STAMBP: variants seen among roughly 807,000 people sequenced by gnomAD.
The protein encoded by STAMBP is STAM-binding protein.
STAMBP carries 31 observed loss-of-function variants against 50.7 expected under a neutral mutation model. The observed-to-expected ratio is 0.61, with a 90% CI of 0.46 to 0.83. The LOEUF is 0.83. STAMBP is among the 40% of genes least tolerant of loss of function. The pLI, the probability that STAMBP is intolerant of heterozygous loss-of-function variation, is 0.00. For synonymous variants in STAMBP, 211 were observed against 192.4 expected, an observed-to-expected ratio of 1.10 and a Z score of -0.80; for missense variants, 472 against 518.9, an observed-to-expected ratio of 0.91 and a Z score of 0.88.
chr2:73,872,438 G>T (rs1679237898), intron 10 of STAMBP, among the ~76,000 whole-genome samples: 1 of 152,190 alleles, frequency 6.6e-6, no homozygotes, highest in Non-Finnish European at 1.5e-5. Context: ...CATCCAGGCT[G>T]TGGGTCATTC....
chr2:73,845,402 A>T (rs1316510048), intron 4 of STAMBP, 140 bp downstream of exon 4: 3 of 633,352 alleles, frequency 4.7e-6, no homozygotes, highest in Non-Finnish European at 8.4e-6. Flanking sequence ...AACTCAAAAA[A>T]GTAGAACACC....
intron 2 of STAMBP, among the ~76,000 whole-genome samples, chr2:73,844,338 C>T (rs923488575): frequency 6.6e-6 from 1 of 152,092 alleles, no homozygotes; most frequent in Non-Finnish European, 1.5e-5. Flanking sequence ...TGAAGGAACA[C>T]GAATCCCAAA....
downstream of STAMBP, among the ~76,000 whole-genome samples, chr2:73,867,817 A>G (rs1200111929): frequency 1.3e-5 from 2 of 152,130 alleles, no homozygotes; most frequent in East Asian, 3.9e-4. Context: ...ACCAGGGGGA[A>G]AGAAATAAGT....
chr2:73,835,509 G>A (rs1674607326), intron 2 of STAMBP, among the ~76,000 whole-genome samples: 1 of 152,128 alleles, frequency 6.6e-6, no homozygotes. Context: ...AATTTTGGCA[G>A]TTGTGTGGTA....
chr2:73,838,578 T>G (rs1333876799), intron 2 of STAMBP, among the ~76,000 whole-genome samples: 4 of 152,200 alleles, frequency 2.6e-5, no homozygotes, highest in Non-Finnish European at 5.9e-5. Flanking sequence ...AATAAACTCC[T>G]CAGAAGTCAA....
chr2:73,844,605 T>C, intron 2 of STAMBP: 2 of 365,552 alleles, frequency 5.5e-6, no homozygotes, highest in Non-Finnish European at 9.8e-6. Context: ...GCTTGCTGCC[T>C]AGTTTGGGAG....
chr2:73,843,526 C>G (rs917536473), intron 2 of STAMBP, among the ~76,000 whole-genome samples: 3 of 151,820 alleles, frequency 2.0e-5, no homozygotes, highest in African/African-American at 7.3e-5. Context: ...GCCTCGGTCT[C>G]CCAAAGTGCT....
chr2:73,862,465 A>G lies in STAMBP; in HGVS notation c.*206A>G, dbSNP rs1439293687. 1 of 385,062 alleles carries G rather than the reference A, an allele frequency of 2.6e-6. No individual in the cohort carries two copies. The highest frequency in any genetic ancestry group is 2.1e-5 in the African/African-American group (1 of 48,250). The allele number at this position is 385,062 out of a possible 1,614,324, so 23.9% of individuals were successfully genotyped here. On this transcript the variant is annotated 3_prime_UTR_variant, in exon 10 of 10. Transcript: ENST00000394070. ...GGCAAGTCAGAAAGAGAACATGGTC[A>G]CCCAAAAGCAACTGTAACTCAGAAA...
chr2:73,871,278 T>C (rs1679187816), downstream of STAMBP, among the ~76,000 whole-genome samples: 1 of 151,980 alleles, frequency 6.6e-6, no homozygotes, highest in African/African-American at 2.4e-5. Flanking sequence ...GCGTGGTGGC[T>C]CATGCTTGTA....
downstream of STAMBP, among the ~76,000 whole-genome samples, chr2:73,868,439 G>A (rs1463556935): frequency 1.3e-5 from 2 of 152,056 alleles, no homozygotes; most frequent in African/African-American, 4.8e-5. Flanking sequence ...TCCCTAGAAT[G>A]TAATGGTGAC....
chr2:73,871,262 G>A (rs189746563), downstream of STAMBP, among the ~76,000 whole-genome samples: 85 of 152,120 alleles, frequency 5.6e-4, no homozygotes, highest in African/African-American at 1.8e-3. Flanking sequence ...TTTTAATTGC[G>A]GCCGGGCGTG....
intron 2 of STAMBP, among the ~76,000 whole-genome samples, chr2:73,841,398 T>C (rs879501377): frequency 6.6e-6 from 1 of 152,104 alleles, no homozygotes; most frequent in African/African-American, 2.4e-5. Flanking sequence ...TAGAAACCCA[T>C]AGCAAATATT....
At chr2:73,832,865 T>C (rs1032391791) in intron 2 of STAMBP, among the ~76,000 whole-genome samples, 3 of 152,206 alleles carry the variant, frequency 2.0e-5, no homozygotes, top group Admixed American at 2.0e-4. Context: ...TGCGGAAGAA[T>C]GGACTGTCTA....
At chr2:73,870,807 C>T (rs1328917608), downstream of STAMBP, among the ~76,000 whole-genome samples, 1 of 152,204 alleles carries the variant, frequency 6.6e-6, no homozygotes, top group Non-Finnish European at 1.5e-5. Context: ...ACCTGCAGCA[C>T]CAGGCCCTGT....
In STAMBP at chr2:73,864,152, T is replaced by C. The variant is rs1678647986; in HGVS notation, c.*1893T>C. ...TTGTTTCTGCATTTGTCTTTCAAGC[T>C]GCTAGAATTCTCAAGTACAACCAGG... On this transcript the variant is annotated 3_prime_UTR_variant, in exon 10 of 10. Coordinates refer to ENST00000394070, the MANE Select transcript of STAMBP (RefSeq NM_213622.4). 1 of 152,246 alleles carries C rather than the reference T, an allele frequency of 6.6e-6. No individual in the cohort carries two copies. The highest frequency in any genetic ancestry group is 2.1e-4 in the South Asian group (1 of 4,834). The allele number at this position is 152,246 out of a possible 1,614,324, so 9.4% of individuals were successfully genotyped here.
intron 5 of STAMBP, among the ~76,000 whole-genome samples, 181 bp from the exon 6 acceptor site, chr2:73,849,182 G>A (rs1478922019): frequency 1.3e-5 from 2 of 152,190 alleles, no homozygotes; most frequent in Non-Finnish European, 2.9e-5. Flanking sequence ...TGTGGCCCAA[G>A]ATTGGAGAAG....
chr2:73,870,104 T>C (rs1316476444), downstream of STAMBP: 4 of 152,234 alleles, frequency 2.6e-5, no homozygotes, highest in African/African-American at 9.6e-5. Flanking sequence ...TGTATTGCTT[T>C]TATAATTGGA....
rs760600346 is a variant in STAMBP at position 73,850,352 on chromosome 2, A to G, written c.868-24A>G. 3 of 1,593,604 alleles carry G rather than the reference A, an allele frequency of 1.9e-6. No homozygotes were observed. The highest frequency in any genetic ancestry group is 2.6e-6 in the Non-Finnish European group (3 of 1,169,518). On this transcript the variant is annotated intron_variant, in intron 6 of 9. Coordinates refer to ENST00000394070, the MANE Select transcript of STAMBP (RefSeq NM_213622.4). The surrounding 1 kb of genome is among the most constrained non-coding windows in gnomAD (Gnocchi z 4.3). ...GTTGCATGAGCACCAGGGAATTGTG[A>G]CCAGCTGTTTTCTCCTTTGGCAGAT...
chr2:73,849,482 A>G lies in STAMBP; in HGVS notation c.862A>G (p.Lys288Glu), dbSNP rs1238839648. Residue 288 changes from lysine (K) to glutamate (E), a missense_variant, in exon 6 of 10, where the codon AAA becomes GAA. Coordinates refer to ENST00000394070, the MANE Select transcript of STAMBP (RefSeq NM_213622.4). ...GVETCGILCG[K>E]LMRNEFTITH... ...GGAGACATGTGGAATTCTCTGTGGAAAACTGGTAAAAAGAAAAAAAAAACC... is the reference window on the plus strand; with the variant it reads ...GGAGACATGTGGAATTCTCTGTGGAGAACTGGTAAAAAGAAAAAAAAAACC... 6.3e-7 allele frequency: 1 copy of G among 1,586,964 alleles called. No homozygotes were observed. The highest frequency in any genetic ancestry group is 1.2e-5 in the South Asian group (1 of 86,290).
Sources: allele counts gnomAD v4.1 joint callset (sites outside exome capture counted in the v4.1 genomes callset), GRCh38; gene constraint gnomAD v4.1.1; non-coding constraint Gnocchi (gnomAD v3.1); transcripts MANE v1.5; gene names NCBI Gene and HGNC (gene_info 2026-07-23, HGNC 2026-07-21).